ZNF511: variants seen among roughly 807,000 people sequenced by gnomAD.
The protein encoded by ZNF511 is zinc finger protein 511.
Under a neutral mutation model 24.8 loss-of-function variants are expected in ZNF511, and 26 were observed. The ratio of observed to expected loss-of-function variants is 1.05; its 90% CI spans 0.77 to 1.46. The LOEUF (loss-of-function observed/expected upper bound fraction) is 1.46. Among genes scored for constraint, ZNF511 ranks in the 40% most tolerant of loss-of-function variants. ZNF511 has a pLI of 0.00. For missense variants in ZNF511, 358 were observed against 345.0 expected (o/e 1.04, Z -0.30); for synonymous variants, 144 against 139.6 (o/e 1.03, Z -0.22).
rs1847957506 is a variant in ZNF511 at position 133,310,176 on chromosome 10, GT to G, written c.443del (p.Val148GlufsTer19). The stretch of plus-strand genomic sequence containing the variant: ...GTCTCCATTTCAGTATCAGTGCTTG[GT>G]AGAAGGCTGCACAGAGAAGTTCAAG... ...SERQDMYQCL[V>X]EGCTEKFKTS... On this transcript the variant is annotated frameshift_variant, in exon 4 of 6. Transcript: ENST00000361518. LOFTEE classifies it high-confidence loss of function. 2.5e-6 allele frequency: 4 copies of G among 1,613,958 alleles called. No individual in the cohort carries two copies. Among genetic ancestry groups the G allele is most frequent in the Non-Finnish European group, 3.4e-6 (4 of 1,180,044 alleles).
At position 133,313,071 on chromosome 10, in the gene ZNF511, T is replaced by C; in HGVS notation, c.*205T>C. On this transcript the variant is annotated 3_prime_UTR_variant, in exon 6 of 6. Transcript: ENST00000361518. Reference sequence around the variant, plus strand: ...TTTTGGAAACGACCTGGACACACTATTGGGAAGGAGATGTGGACGGCCTGT... The same window carrying C: ...TTTTGGAAACGACCTGGACACACTACTGGGAAGGAGATGTGGACGGCCTGT... 3 of 1,363,948 alleles carry C rather than the reference T, an allele frequency of 2.2e-6. No individual in the cohort carries two copies. Among genetic ancestry groups the C allele is most frequent in the Non-Finnish European group, 2.9e-6 (3 of 1,042,328 alleles). 84.5% of individuals were successfully genotyped at this position (1,363,948 alleles called of 1,614,324 possible). A position where few individuals can be genotyped will look rare whatever the true frequency, so the allele number is the denominator to read the frequency against.
At chr10:133,310,498 T>C (rs1220730672) in intron 4 of ZNF511, 1 of 615,332 alleles carries the variant, frequency 1.6e-6, no homozygotes, top group African/African-American at 1.9e-5. Flanking sequence ...GGGGAGCCCC[T>C]GGCTGCCCAG....
In ZNF511 at chr10:133,310,377, T is replaced by C. The variant is rs371686021; in HGVS notation, c.554+89T>C. ...CGGAATGCATAGACGGTCAGACTTA[T>C]TAAGCACTTGTGTGTCACCTAATGG... On this transcript the variant is annotated intron_variant, in intron 4 of 5. Transcript: ENST00000361518. The C allele has an allele frequency of 1.5e-4, 235 of 1,540,626 alleles. 2 individuals are homozygous for C. In the East Asian group the frequency reaches 4.2e-3, roughly 28 times the overall value.
intron 5 of ZNF511, chr10:133,312,225 G>GCCGTCTGCGTTTCTAGCGTCACCTGTT (rs1848007918): frequency 7.2e-7 from 1 of 1,381,062 alleles, no homozygotes. Flanking sequence ...CGTCACCTGT[G>GCCGTCTGCGTTTCTAGCGTCACCTGTT]CCGTCTGCCT....
rs955678638 is a variant in ZNF511 at position 133,308,957 on chromosome 10, C to T, written c.14C>T (p.Pro5Leu). The change falls in exon 1 of 6, where the codon CCC becomes CTC. Residue 5 changes from proline to leucine, a missense_variant. By Grantham distance (98) the Pro-to-Leu change is moderately conservative. Transcript: ENST00000361518. ...GCGCCCGGGGTGATGCAGTTGCCCC[C>T]CGCGCTGTGCGCCCGCCTCGCTGCG... is the stretch of plus-strand genomic sequence containing the variant. MQLP[P>L]ALCARLAAGP... 10 of 1,238,140 alleles carry T rather than the reference C, an allele frequency of 8.1e-6. No homozygotes were observed. In the African/African-American group the frequency reaches 1.1e-4, roughly 14 times the overall value. 76.7% of individuals were successfully genotyped at this position (1,238,140 alleles called of 1,614,324 possible).
At chr10:133,309,689 T>G (rs1339317379) in intron 2 of ZNF511, 87 bp from the exon 3 acceptor site, 2 of 1,490,680 alleles carry the variant, frequency 1.3e-6, no homozygotes, top group Admixed American at 1.7e-5. Context: ...GGGGCTTTAT[T>G]GGACGTCTCA....
chr10:133,310,446 A>T, intron 4 of ZNF511, 158 bp downstream of exon 4: 2 of 965,428 alleles, frequency 2.1e-6, no homozygotes, highest in Non-Finnish European at 3.0e-6. Context: ...ACACAGCTAC[A>T]GGTGGTTGTG....
chr10:133,311,062 A>G (rs1847980246), intron 4 of ZNF511, among the ~76,000 whole-genome samples: 1 of 152,214 alleles, frequency 6.6e-6, no homozygotes, highest in Non-Finnish European at 1.5e-5. Flanking sequence ...TCAGCCTCCC[A>G]AAGTGCTGAG....
At chr10:133,312,404 C>T (rs1344051754) in intron 5 of ZNF511, 18 of 1,175,878 alleles carry the variant, frequency 1.5e-5, no homozygotes, top group Non-Finnish European at 1.9e-5. Flanking sequence ...ACAGGTGGAA[C>T]GATGAACTTA....
chr10:133,312,524 C>G (rs758493608), intron 5 of ZNF511: 2 of 1,355,726 alleles, frequency 1.5e-6, no homozygotes, highest in South Asian at 1.7e-5. Context: ...AGCAGGAAGT[C>G]TCAGCCCCAG....
intron 5 of ZNF511, chr10:133,312,198 G>C: frequency 7.1e-6 from 10 of 1,408,892 alleles, no homozygotes; most frequent in Non-Finnish European, 9.2e-6. Flanking sequence ...CGTCACCTGT[G>C]CCGTCTGCGT....
At chr10:133,312,329 T>C (rs1006190501) in intron 5 of ZNF511, 23 of 1,168,466 alleles carry the variant, frequency 2.0e-5, no homozygotes, top group Non-Finnish European at 2.4e-5. Context: ...CTAGTTAAAG[T>C]TGATTTTAAA....
At chr10:133,311,598 A>G in intron 4 of ZNF511, 118 bp from the exon 5 acceptor site, 1 of 875,848 alleles carries the variant, frequency 1.1e-6, no homozygotes, top group East Asian at 2.5e-5. Context: ...ATGCCAAAAT[A>G]GTAAGAAAAT....
At chr10:133,311,613 T>C in intron 4 of ZNF511, 103 bp from the exon 5 acceptor site, 1 of 988,408 alleles carries the variant, frequency 1.0e-6, no homozygotes, top group South Asian at 1.6e-5. Flanking sequence ...GAAAATATGC[T>C]ACTTACAGGG....
intron 4 of ZNF511, 59 bp from the exon 5 acceptor site, chr10:133,311,657 G>A: frequency 7.1e-7 from 1 of 1,417,048 alleles, no homozygotes; most frequent in African/African-American, 1.4e-5. Flanking sequence ...TTCATTTCTG[G>A]GGAACACAGG....
At chr10:133,310,007 C>G (rs1453437263) in intron 3 of ZNF511, 30 bp downstream of exon 3, 1 of 1,611,766 alleles carries the variant, frequency 6.2e-7, no homozygotes, top group South Asian at 1.1e-5. Flanking sequence ...CCGCCGAGGC[C>G]ACCCCCCATT....
At chr10:133,309,143 CCTACGGCG>C in intron 1 of ZNF511, 47 bp downstream of exon 1, 1 of 1,388,422 alleles carries the variant, frequency 7.2e-7, no homozygotes, top group Non-Finnish European at 9.4e-7. Flanking sequence ...TCCAGTGGGG[CCTACGGCG>C]GCGAGGCGGG....
chr10:133,312,242 C>G (rs574634355), intron 5 of ZNF511: 51 of 1,357,540 alleles, frequency 3.8e-5, no homozygotes, highest in Non-Finnish European at 4.4e-5. Context: ...GCCTTCCTAG[C>G]ATGACCTGTG....
At chr10:133,310,093 G>C in intron 3 of ZNF511, 71 bp from the exon 4 acceptor site, 1 of 1,611,378 alleles carries the variant, frequency 6.2e-7, no homozygotes, top group Non-Finnish European at 8.5e-7. Flanking sequence ...GCCCTTGGCA[G>C]CTCTGCTACG....
Sources: allele counts gnomAD v4.1 joint callset (sites outside exome capture counted in the v4.1 genomes callset), GRCh38; gene constraint gnomAD v4.1.1; transcripts MANE v1.5; gene names NCBI Gene and HGNC (gene_info 2026-07-23, HGNC 2026-07-21).